Variants in CDH12 observed in about 807,000 individuals in gnomAD.
The protein encoded by CDH12 is cadherin-12.
CDH12 carries 41 observed loss-of-function variants against 74.1 expected under a neutral mutation model. That is an observed-to-expected ratio of 0.55 (90% CI 0.43 to 0.72). CDH12 has a LOEUF of 0.72. Among genes scored for constraint, CDH12 ranks in the 30% least tolerant of loss-of-function variants. CDH12 has a pLI of 0.00. For synonymous variants in CDH12, 399 were observed against 355.0 expected (o/e 1.12, Z -1.39); for missense variants, 945 against 977.2 (o/e 0.97, Z 0.44).
At chr5:22,613,233 G>A (rs1216457591) in intron 1 of CDH12, among the ~76,000 whole-genome samples, 1 of 151,802 alleles carries the variant, frequency 6.6e-6, no homozygotes, top group African/African-American at 2.4e-5. Flanking sequence ...GAAATGTGAT[G>A]ACTTCAAAAA....
At chr5:22,727,863 G>A (rs921458178) in intron 1 of CDH12, among the ~76,000 whole-genome samples, 4 of 151,152 alleles carry the variant, frequency 2.6e-5, no homozygotes, top group East Asian at 1.9e-4. Flanking sequence ...GGAGGTTTTC[G>A]TTTATTTTAC....
At chr5:21,914,080 C>A (rs1446230571) in intron 6 of CDH12, among the ~76,000 whole-genome samples, 1 of 152,136 alleles carries the variant, frequency 6.6e-6, no homozygotes, top group African/African-American at 2.4e-5. Flanking sequence ...AGTAAGTCCT[C>A]AACATACACT....
chr5:22,021,258 A>C lies in CDH12; in HGVS notation c.232-45873T>G, dbSNP rs1401489496. ...TATGTTTGGAATTTTTCACATGTGG[A>C]GTCATGTCAGTACTCAAAAAGTTTC... On this transcript the variant is annotated intron_variant, in intron 5 of 14. Transcript: ENST00000382254. 3.9e-5 allele frequency among the ~76,000 whole-genome samples: 6 copies of C among 152,310 alleles called. No individual in the cohort carries two copies. The South Asian group carries it at 6.2e-4, about 16-fold the overall frequency.
chr5:22,105,082 A>G (rs1309541276), intron 4 of CDH12, among the ~76,000 whole-genome samples: 1 of 151,240 alleles, frequency 6.6e-6, no homozygotes, highest in Admixed American at 6.6e-5. Flanking sequence ...CTCTGTTTCC[A>G]AATTTCTGCT....
chr5:22,032,104 TTATATAA>T (rs1327327054), intron 5 of CDH12, among the ~76,000 whole-genome samples: 5 of 151,552 alleles, frequency 3.3e-5, no homozygotes, highest in Non-Finnish European at 5.9e-5. Context: ...AATAGAAATA[TTATATAA>T]TATATATTTC....
chr5:22,335,279 C>T (rs948907994), intron 3 of CDH12, among the ~76,000 whole-genome samples: 9 of 152,134 alleles, frequency 5.9e-5, no homozygotes, highest in African/African-American at 2.2e-4. Context: ...ATGATTGAAT[C>T]ATGGGGGCAG....
At chr5:22,571,221 A>G (rs1739524074) in intron 1 of CDH12, among the ~76,000 whole-genome samples, 1 of 152,164 alleles carries the variant, frequency 6.6e-6, no homozygotes, top group Non-Finnish European at 1.5e-5. Context: ...TCCTCCGAGA[A>G]CTTTTCCTTT....
chr5:22,705,620 T>G (rs1377175509), intron 1 of CDH12, among the ~76,000 whole-genome samples: 1 of 151,944 alleles, frequency 6.6e-6, no homozygotes, highest in Non-Finnish European at 1.5e-5. Flanking sequence ...ATAGTATTTT[T>G]GGGAGGAAAA....
intron 1 of CDH12, among the ~76,000 whole-genome samples, chr5:22,764,967 T>C (rs1746423111): frequency 6.6e-6 from 1 of 151,986 alleles, no homozygotes; most frequent in Admixed American, 6.6e-5. Context: ...TTGCATATCA[T>C]AAAAACTGAC....
chr5:22,047,868 G>A lies in CDH12; in HGVS notation c.231+30578C>T, dbSNP rs145090890. ...TCTTCATCAAAGTCAGAATATGTGTGAGATGGTCACACAGAGACTTCTTAG... is the reference window on the plus strand; with the variant it reads ...TCTTCATCAAAGTCAGAATATGTGTAAGATGGTCACACAGAGACTTCTTAG... On this transcript the variant is annotated intron_variant, in intron 5 of 14. Transcript: ENST00000382254. Among the ~76,000 whole-genome samples the A allele has an allele frequency of 6.7e-3, 1,023 of 152,274 alleles. 5 individuals carry two copies. Among genetic ancestry groups the A allele is most frequent in the Non-Finnish European group, 9.8e-3 (664 of 68,024 alleles).
intron 2 of CDH12, among the ~76,000 whole-genome samples, chr5:22,494,350 C>G (rs887799772): frequency 8.5e-5 from 13 of 152,130 alleles, no homozygotes; most frequent in African/African-American, 3.1e-4. Flanking sequence ...TGAGTATGCC[C>G]TACAATGGAA....
At chr5:22,757,548 A>G (rs944048914) in intron 1 of CDH12, among the ~76,000 whole-genome samples, 1 of 152,190 alleles carries the variant, frequency 6.6e-6, no homozygotes, top group Non-Finnish European at 1.5e-5. Context: ...TAAAAGTTCT[A>G]TTATTCAGAT....
At chr5:22,307,873 GTTTTTTTTTTT>G (rs35242143) in intron 3 of CDH12, among the ~76,000 whole-genome samples, 2 of 68,658 alleles carry the variant, frequency 2.9e-5, no homozygotes, top group African/African-American at 1.3e-4. Flanking sequence ...CTTTCTTTTA[GTTTTTTTTTTT>G]TTTTTTTTTT....
chr5:22,228,119 T>C (rs938601914), intron 3 of CDH12, among the ~76,000 whole-genome samples: 1 of 152,098 alleles, frequency 6.6e-6, no homozygotes, highest in Admixed American at 6.6e-5. Flanking sequence ...AGAATATTTA[T>C]GAAGACAAAA....
chr5:21,757,042 A>G (rs573264325), intron 13 of CDH12, among the ~76,000 whole-genome samples: 5 of 152,308 alleles, frequency 3.3e-5, no homozygotes, highest in African/African-American at 1.2e-4. Flanking sequence ...TAAAGTTCAT[A>G]ATCTGAGTGA....
intron 6 of CDH12, among the ~76,000 whole-genome samples, chr5:21,925,076 G>T (rs1237138243): frequency 6.6e-6 from 1 of 151,952 alleles, no homozygotes; most frequent in Non-Finnish European, 1.5e-5. Flanking sequence ...AAAACAAAAA[G>T]AAAAAAATTC....
chr5:22,484,725 C>A (rs915493499), intron 2 of CDH12, among the ~76,000 whole-genome samples: 2 of 152,216 alleles, frequency 1.3e-5, no homozygotes, highest in African/African-American at 4.8e-5. Flanking sequence ...CATTTGCCAT[C>A]CCTCCTGGCA....
chr5:22,344,227 A>G (rs1009088326), intron 3 of CDH12, among the ~76,000 whole-genome samples: 5 of 152,070 alleles, frequency 3.3e-5, no homozygotes, highest in Admixed American at 1.3e-4. Flanking sequence ...TACCATATAC[A>G]TTTTCAATTA....
intron 1 of CDH12, among the ~76,000 whole-genome samples, chr5:22,522,494 T>C (rs1737097103): frequency 6.6e-6 from 1 of 152,186 alleles, no homozygotes; most frequent in Non-Finnish European, 1.5e-5. Flanking sequence ...CATTCATAGC[T>C]AGTCGGATTC....
Sources: allele counts gnomAD v4.1 joint callset (sites outside exome capture counted in the v4.1 genomes callset), GRCh38; gene constraint gnomAD v4.1.1; transcripts MANE v1.5; gene names NCBI Gene and HGNC (gene_info 2026-07-23, HGNC 2026-07-21).